Variants in CD72 observed in about 807,000 individuals in gnomAD.
The protein encoded by CD72 is CD72 molecule.
In CD72, 28 loss-of-function variants were observed where a neutral mutation model predicts 50.7. The ratio of observed to expected loss-of-function variants is 0.55; its 90% CI spans 0.41 to 0.76. CD72 has a LOEUF of 0.76. Among genes scored for constraint, CD72 ranks in the 30% least tolerant of loss-of-function variants. CD72 has a pLI of 0.00. For missense variants in CD72, 403 were observed against 420.6 expected, an observed-to-expected ratio of 0.96 and a Z score of 0.37; for synonymous variants, 176 against 171.2, an observed-to-expected ratio of 1.03 and a Z score of -0.22.
chr9:35,641,725 G>A (rs1436719691), intron 1 of CD72, among the ~76,000 whole-genome samples: 8 of 152,110 alleles, frequency 5.3e-5, no homozygotes. Context: ...GTCCTGCCTT[G>A]TGGCTCTTTT....
chr9:35,613,708 A>G (rs1306629532), intron 5 of CD72, among the ~76,000 whole-genome samples: 1 of 152,178 alleles, frequency 6.6e-6, no homozygotes, highest in Non-Finnish European at 1.5e-5. Context: ...TTAAAGGAAT[A>G]AAAAGAAATC....
upstream of CD72, among the ~76,000 whole-genome samples, chr9:35,621,663 C>G (rs534459247): frequency 6.6e-6 from 1 of 152,302 alleles, no homozygotes. Flanking sequence ...GGTAGGCACA[C>G]TCTGATCACA....
chr9:35,626,693 C>T (rs1475617393), intron 1 of CD72, among the ~76,000 whole-genome samples: 1 of 152,204 alleles, frequency 6.6e-6, no homozygotes, highest in African/African-American at 2.4e-5. Context: ...CTACCAACAT[C>T]AAGGCAAGAC....
chr9:35,613,953 C>T lies in CD72; in HGVS notation c.689-960G>A, dbSNP rs752092121. ...CCAGGAGGCAGAGGTTGCAGTGAGC[C>T]CAGATCACACCACTGCACTCCAGCC... On this transcript the variant is annotated intron_variant, in intron 5 of 8. Coordinates refer to ENST00000259633, the MANE Select transcript of CD72 (RefSeq NM_001782.3). Among the ~76,000 whole-genome samples the T allele has an allele frequency of 2.6e-5, 4 of 151,844 alleles. 1 individual carries two copies. The highest frequency in any genetic ancestry group is 6.6e-5 in the Admixed American group (1 of 15,250).
rs563055807 is a variant in CD72, at chr9:35,612,980, C to T, written c.702G>A (p.Pro234=). Reference sequence around the variant, plus strand: ...TTTTCTGATGCATTATCCATCCCGACGGACAGCAGGTGTCTAAAAAGCAGA... The same window carrying T: ...TTTTCTGATGCATTATCCATCCCGATGGACAGCAGGTGTCTAAAAAGCAGA... The part of the protein sequence containing the change: ...FTCGSADTCC[P]SGWIMHQKSC... The change falls in exon 6 of 9, where the codon CCG becomes CCA. Residue 234 remains proline, a synonymous_variant. Transcript: ENST00000259633. The T allele has an allele frequency of 6.4e-5, 103 of 1,611,104 alleles. No homozygotes were observed. The highest frequency in any genetic ancestry group is 3.8e-4 in the Admixed American group (23 of 59,794).
intron 3 of CD72, 97 bp downstream of exon 3, chr9:35,617,079 C>A: frequency 2.0e-6 from 3 of 1,515,676 alleles, no homozygotes; most frequent in Non-Finnish European, 2.6e-6. Context: ...CCGGGTTTAT[C>A]CCGGAAGGAG....
chr9:35,618,887 G>C (rs1453658140), upstream of CD72: 2 of 591,832 alleles, frequency 3.4e-6, no homozygotes, highest in African/African-American at 1.9e-5. Context: ...GTGAAGGTAA[G>C]GAAGAGCCAT....
chr9:35,640,802 G>A (rs530626144), intron 1 of CD72, among the ~76,000 whole-genome samples: 36 of 152,390 alleles, frequency 2.4e-4, no homozygotes, highest in Non-Finnish European at 3.1e-4. Context: ...CATACAAAGG[G>A]AGGGGACCCA....
At chr9:35,612,761 A>G in intron 6 of CD72, 87 bp downstream of exon 6, 1 of 1,250,898 alleles carries the variant, frequency 8.0e-7, no homozygotes, top group Non-Finnish European at 1.1e-6. Context: ...CACCCCAGCC[A>G]TGTGTGCACT....
chr9:35,635,619 C>G (rs1301552986), intron 1 of CD72, among the ~76,000 whole-genome samples: 8 of 152,166 alleles, frequency 5.3e-5, no homozygotes, highest in Non-Finnish European at 1.2e-4. Context: ...TTCCTCTGCC[C>G]TCTGGTTTTT....
At chr9:35,616,742 G>A in intron 3 of CD72, 53 bp from the exon 4 acceptor site, 1 of 1,466,392 alleles carries the variant, frequency 6.8e-7, no homozygotes, top group African/African-American at 1.4e-5. Context: ...AAAGAATGTA[G>A]AGAGGAAGGG....
intron 1 of CD72, among the ~76,000 whole-genome samples, chr9:35,644,350 C>CAAAAAAAAAA (rs74176726): frequency 2.9e-5 from 2 of 68,194 alleles, no homozygotes; most frequent in African/African-American, 5.9e-5. Context: ...AACTCTGTCT[C>CAAAAAAAAAA]AAAAAAAAAA....
intron 3 of CD72, 25 bp downstream of exon 3, chr9:35,617,151 G>T: frequency 1.3e-6 from 2 of 1,553,188 alleles, no homozygotes; most frequent in East Asian, 2.4e-5. Flanking sequence ...TTGGCCCCGC[G>T]GCTGCCCCGC....
At chr9:35,618,950 C>A, upstream of CD72, 1 of 344,030 alleles carries the variant, frequency 2.9e-6, no homozygotes, top group Non-Finnish European at 5.7e-6. Flanking sequence ...CATGCACCCT[C>A]ATGGGGAGCC....
chr9:35,612,175 C>T (rs1822996269), intron 6 of CD72, among the ~76,000 whole-genome samples: 1 of 152,198 alleles, frequency 6.6e-6, no homozygotes, highest in African/African-American at 2.4e-5. Context: ...CCCCAAGGAA[C>T]TAATCCCTAC....
rs558020346 is a variant in CD72 at position 35,616,188 on chromosome 9, G to T, written c.443C>A (p.Thr148Lys). 4 of 1,613,976 alleles carry T rather than the reference G, an allele frequency of 2.5e-6. No individual in the cohort carries two copies. The East Asian group carries it at 8.9e-5, about 36-fold the overall frequency. Residue 148 changes from threonine to lysine, a missense_variant, in exon 5 of 9, where the codon ACG becomes AAG. Coordinates refer to ENST00000259633, the MANE Select transcript of CD72 (RefSeq NM_001782.3). ...ATCCTCTGCACTCTGTCCCAGCTGC[G>T]TTATCTTGAGGCGGAGCTGCTGCCT... Reference protein sequence around the residue: ...SLRQQLRLKITQLGQSAEDLQ... With the variant: ...SLRQQLRLKIKQLGQSAEDLQ...
At chr9:35,617,000 A>T (rs1823074434) in intron 3 of CD72, 176 bp downstream of exon 3, 1 of 1,449,336 alleles carries the variant, frequency 6.9e-7, no homozygotes, top group Non-Finnish European at 9.0e-7. Context: ...GGGGCGGTGC[A>T]CGTCGGATTC....
At chr9:35,617,302 C>A in intron 2 of CD72, 55 bp from the exon 3 acceptor site, 1 of 1,496,556 alleles carries the variant, frequency 6.7e-7, no homozygotes, top group Non-Finnish European at 8.9e-7. Context: ...TGCCCCTTCT[C>A]CTCCTGCGCA....
At chr9:35,614,001 A>T (rs1167228349) in intron 5 of CD72, among the ~76,000 whole-genome samples, 4 of 151,798 alleles carry the variant, frequency 2.6e-5, no homozygotes, top group Non-Finnish European at 5.9e-5. Flanking sequence ...TCAGTCTCAC[A>T]GAGCGAGACT....
Sources: gnomAD v4.1 joint callset for allele counts (sites outside exome capture counted in the v4.1 genomes callset) on GRCh38, gnomAD v4.1.1 for gene constraint, MANE v1.5 for transcripts, NCBI Gene and HGNC (gene_info 2026-07-23, HGNC 2026-07-21) for gene names.